TRIM29: variants seen among roughly 807,000 people sequenced by gnomAD.
TRIM29 encodes tripartite motif-containing protein 29.
A neutral mutation model predicts 57.3 loss-of-function variants in TRIM29; 52 were observed. That is an observed-to-expected ratio of 0.91 (90% CI 0.73 to 1.14). The LOEUF (loss-of-function observed/expected upper bound fraction) is 1.14. Among genes scored for constraint, TRIM29 ranks in the 50% most tolerant of loss-of-function variants. The probability of loss-of-function intolerance (pLI) is 0.00; values close to 1 mark genes in which losing one functional copy is unlikely to be tolerated. For synonymous variants in TRIM29, 319 were observed against 316.9 expected, an observed-to-expected ratio of 1.01 and a Z score of -0.07; for missense variants, 753 against 774.6, an observed-to-expected ratio of 0.97 and a Z score of 0.33.
chr11:120,131,986 C>T (rs1287498559), intron 1 of TRIM29, among the ~76,000 whole-genome samples: 1 of 151,104 alleles, frequency 6.6e-6, no homozygotes, highest in African/African-American at 2.4e-5. Flanking sequence ...ATAAAGATTA[C>T]ACAGCTTGCC....
Position 120,137,589 on chromosome 11 carries a change from G to T in TRIM29, c.443C>A (p.Thr148Asn). 6.2e-7 allele frequency: 1 copy of T among 1,613,002 alleles called. No individual in the cohort carries two copies. Among genetic ancestry groups the T allele is most frequent in the Non-Finnish European group, 8.5e-7 (1 of 1,179,968 alleles). Residue 148 changes from threonine to asparagine, a missense_variant, in exon 1 of 9, where the codon ACC becomes AAC. Coordinates refer to ENST00000341846, the MANE Select transcript of TRIM29 (RefSeq NM_012101.4). The surrounding 1 kb of genome is among the most constrained non-coding windows in gnomAD (Gnocchi z 6.2). ...PTVSIMEPGETRRNSYPRADT... is the reference protein window; with the variant it reads ...PTVSIMEPGENRRNSYPRADT... ...GGCCCGGGGGTAGCTGTTCCGCCGG[G>T]TCTCCCCGGGCTCCATGATGGACAC...
In TRIM29 at chr11:120,137,656, C is replaced by T. The variant is rs2135035970; in HGVS notation, c.376G>A (p.Glu126Lys). The T allele has an allele frequency of 2.5e-6, 4 of 1,613,764 alleles. No individual in the cohort carries two copies. Among genetic ancestry groups the T allele is most frequent in the East Asian group, 2.2e-5 (1 of 44,856 alleles). ...KPPVTFAEKG[E>K]LRKSIFSESR... The stretch of plus-strand genomic sequence containing the variant: ...TCCGAGAAAATGGACTTGCGCAGCT[C>T]GCCCTTTTCGGCAAAGGTAACGGGT... Residue 126 changes from glutamate to lysine, a missense_variant, in exon 1 of 9, where the codon GAG becomes AAG. Glu to Lys is a moderately conservative substitution (Grantham distance 56, BLOSUM62 1). Coordinates refer to ENST00000341846, the MANE Select transcript of TRIM29 (RefSeq NM_012101.4). This position sits in a 1 kb window ranked among gnomAD's most constrained non-coding sequence, Gnocchi z 6.2.
intron 1 of TRIM29, among the ~76,000 whole-genome samples, chr11:120,132,650 C>T (rs534137008): frequency 2.0e-5 from 3 of 152,336 alleles, no homozygotes; most frequent in Admixed American, 6.5e-5. Flanking sequence ...GCACTGGCTC[C>T]AGGGAGGAGA....
chr11:120,125,594 A>G, intron 4 of TRIM29, 97 bp downstream of exon 4: 1 of 1,343,508 alleles, frequency 7.4e-7, no homozygotes, highest in Non-Finnish European at 1.0e-6. Context: ...AACAATGAGA[A>G]GAAGCTCACT....
At position 120,115,488 on chromosome 11, in the gene TRIM29, G is replaced by A. The variant is rs1863244572; in HGVS notation, c.1628-74C>T. The A allele has an allele frequency of 8.4e-6, 11 of 1,311,582 alleles. No homozygotes were observed. In the Admixed American group the frequency reaches 1.8e-4, roughly 21 times the overall value. The allele number at this position is 1,311,582 out of a possible 1,614,324, so 81.2% of individuals were successfully genotyped here. ...GGGTGCCCGGGCCCAGAGCAGCACA[G>A]CTGCCTTCTCCAAAGTGACCACCAA... On this transcript the variant is annotated intron_variant, in intron 7 of 8. Transcript: ENST00000341846.
chr11:120,112,252 G>A lies in TRIM29; in HGVS notation c.*162C>T. 1 of 697,708 alleles carries A rather than the reference G, an allele frequency of 1.4e-6. No individual in the cohort carries two copies. Among genetic ancestry groups the A allele is most frequent in the South Asian group, 1.9e-5 (1 of 53,448 alleles). 43.2% of individuals were successfully genotyped at this position (697,708 alleles called of 1,614,324 possible). A position where few individuals can be genotyped will look rare whatever the true frequency, so the allele number is the denominator to read the frequency against. Reference sequence around the variant, plus strand: ...TGGAGTGTGGCCAGTGGGGAAGTCGGAGAGGCCGGAACTGCCCCCAAGAGG... The same window carrying A: ...TGGAGTGTGGCCAGTGGGGAAGTCGAAGAGGCCGGAACTGCCCCCAAGAGG... On this transcript the variant is annotated 3_prime_UTR_variant, in exon 9 of 9. Transcript: ENST00000341846.
At chr11:120,119,517 G>C (rs1863379823) in intron 6 of TRIM29, among the ~76,000 whole-genome samples, 1 of 152,196 alleles carries the variant, frequency 6.6e-6, no homozygotes, top group African/African-American at 2.4e-5. Flanking sequence ...GTTCACTCAT[G>C]CCTTTAGCCT....
chr11:120,130,662 C>T (rs994461351), intron 1 of TRIM29, among the ~76,000 whole-genome samples: 3 of 152,198 alleles, frequency 2.0e-5, no homozygotes, highest in Admixed American at 2.0e-4. Flanking sequence ...GGGAGTGAAG[C>T]CCCCAGAAAG....
Position 120,128,425 on chromosome 11 carries a change from C to T in TRIM29, c.875G>A (p.Trp292Ter). Residue 292 changes from tryptophan (W) to a stop codon, truncating the protein, a stop_gained, in exon 2 of 9, where the codon TGG becomes TAG. Transcript: ENST00000341846. LOFTEE classifies it high-confidence loss of function. ...IIEIEDEAEK[W>*]QKEKDRIKSF... ...CTTGATGCGGTCCTTCTCCTTCTGCCACTTCTCAGCTTCATCCTCAATCTC... is the reference window on the plus strand; with the variant it reads ...CTTGATGCGGTCCTTCTCCTTCTGCTACTTCTCAGCTTCATCCTCAATCTC... 6.2e-7 allele frequency: 1 copy of T among 1,612,482 alleles called. No individual in the cohort carries two copies. The highest frequency in any genetic ancestry group is 8.5e-7 in the Non-Finnish European group (1 of 1,180,024).
rs1184828812 is a variant in TRIM29, at chr11:120,112,352, C to T, written c.*62G>A. The stretch of plus-strand genomic sequence containing the variant: ...CAGACAAGCACAGTAGCTTAGAAGG[C>T]AAGAGCAGCAGGGTCAGGAGGAAGA... On this transcript the variant is annotated 3_prime_UTR_variant, in exon 9 of 9. Transcript: ENST00000341846. 2.5e-6 allele frequency: 4 copies of T among 1,596,580 alleles called. No individual in the cohort carries two copies. Among genetic ancestry groups the T allele is most frequent in the Admixed American group, 1.7e-5 (1 of 59,770 alleles).
chr11:120,128,599 C>G, intron 1 of TRIM29, 104 bp from the exon 2 acceptor site: 3 of 1,500,750 alleles, frequency 2.0e-6, no homozygotes, highest in Non-Finnish European at 2.7e-6. Flanking sequence ...GCAGCCAGGG[C>G]TCATCACTCA....
At chr11:120,118,397 G>T (rs1282227647) in intron 6 of TRIM29, 76 bp from the exon 7 acceptor site, 4 of 1,162,832 alleles carry the variant, frequency 3.4e-6, no homozygotes, top group Non-Finnish European at 4.9e-6. Flanking sequence ...ACACAGCCAG[G>T]TCTATGACTC....
chr11:120,126,174 G>C, intron 3 of TRIM29: 1 of 383,372 alleles, frequency 2.6e-6, no homozygotes, highest in East Asian at 4.3e-5. Context: ...GACACAAACT[G>C]CAAAGACTGG....
intron 1 of TRIM29, among the ~76,000 whole-genome samples, chr11:120,133,999 C>T (rs1472484347): frequency 3.3e-5 from 5 of 152,064 alleles, no homozygotes; most frequent in Non-Finnish European, 4.4e-5. Flanking sequence ...AACATCCTGG[C>T]CTGCTGAAGC....
Position 120,137,088 on chromosome 11 carries a change from A to T in TRIM29, c.804+140T>A. 3.2e-6 allele frequency: 3 copies of T among 929,120 alleles called. No homozygotes were observed. Among genetic ancestry groups the T allele is most frequent in the Non-Finnish European group, 4.7e-6 (3 of 632,862 alleles). 57.6% of individuals were successfully genotyped at this position (929,120 alleles called of 1,614,324 possible). A position where few individuals can be genotyped will look rare whatever the true frequency, so the allele number is the denominator to read the frequency against. On this transcript the variant is annotated intron_variant, in intron 1 of 8. Coordinates refer to ENST00000341846, the MANE Select transcript of TRIM29 (RefSeq NM_012101.4). This position sits in a 1 kb window ranked among gnomAD's most constrained non-coding sequence, Gnocchi z 6.2. ...GGGGGGACAGGGGGCATGAGGGGAAATAAATGTTTTCTAAAAGAGCCAAGG... is the reference window on the plus strand; with the variant it reads ...GGGGGGACAGGGGGCATGAGGGGAATTAAATGTTTTCTAAAAGAGCCAAGG...
In TRIM29 at chr11:120,125,692, G is replaced by A. The variant is rs372398786; in HGVS notation, c.1332C>T (p.Asn444=). Residue 444 remains asparagine (N), a splice_region_variant and synonymous_variant, in exon 4 of 9, where the codon AAC becomes AAT. Transcript: ENST00000341846. ...RNFIERNHME[N]GGDHRYVNNY... is the part of the protein sequence containing the mutation. ...GCCCAGCCACGAGAGGGGACCTACC[G>A]TTCTCCATGTGGTTCCTCTCAATGA... The A allele has an allele frequency of 5.9e-5, 96 of 1,613,998 alleles. No homozygotes were observed. Among genetic ancestry groups the A allele is most frequent in the African/African-American group, 2.0e-4 (15 of 74,918 alleles).
chr11:120,130,083 C>T (rs1218211193), intron 1 of TRIM29, among the ~76,000 whole-genome samples: 1 of 152,078 alleles, frequency 6.6e-6, no homozygotes, highest in Non-Finnish European at 1.5e-5. Flanking sequence ...GGCAGAAACT[C>T]GACCCTCACA....
In TRIM29 at chr11:120,137,315, G is replaced by A. The variant is rs768745120; in HGVS notation, c.717C>T (p.Asp239=). 6 of 1,614,158 alleles carry A rather than the reference G, an allele frequency of 3.7e-6. No homozygotes were observed. Among genetic ancestry groups the A allele is most frequent in the Admixed American group, 1.7e-5 (1 of 60,034 alleles). ...GKTMELFCQT[D]QTCICYLCMF... Reference sequence around the variant, plus strand: ...TGCAAAGGTAGCAGATGCAGGTCTGGTCGGTCTGGCAGAAGAGCTCCATCG... The same window carrying A: ...TGCAAAGGTAGCAGATGCAGGTCTGATCGGTCTGGCAGAAGAGCTCCATCG... The change falls in exon 1 of 9, where the codon GAC becomes GAT. Residue 239 remains aspartate (D), a synonymous_variant. Coordinates refer to ENST00000341846, the MANE Select transcript of TRIM29 (RefSeq NM_012101.4). The surrounding 1 kb of genome is among the most constrained non-coding windows in gnomAD (Gnocchi z 6.2).
intron 1 of TRIM29, among the ~76,000 whole-genome samples, chr11:120,129,654 G>A (rs1863677931): frequency 6.6e-6 from 1 of 151,706 alleles, no homozygotes; most frequent in Non-Finnish European, 1.5e-5. Context: ...GCCCCACCGG[G>A]CCAAGGAAGT....
Sources: allele counts gnomAD v4.1 joint callset (sites outside exome capture counted in the v4.1 genomes callset), GRCh38; gene constraint gnomAD v4.1.1; non-coding constraint Gnocchi (gnomAD v3.1); transcripts MANE v1.5; gene names NCBI Gene and HGNC (gene_info 2026-07-23, HGNC 2026-07-21).